ELAVL2: variants seen among roughly 807,000 people sequenced by gnomAD.
ELAVL2 encodes ELAV-like protein 2.
A neutral mutation model predicts 34.6 loss-of-function variants in ELAVL2; 4 were observed. The observed-to-expected ratio is 0.12, with a 90% CI of 0.06 to 0.26. ELAVL2 has a LOEUF of 0.26. ELAVL2 is among the 10% of genes least tolerant of loss of function. ELAVL2 has a pLI of 1.00. For synonymous variants in ELAVL2, 193 were observed against 154.8 expected, an observed-to-expected ratio of 1.25 and a Z score of -1.83; for missense variants, 432 against 442.8, an observed-to-expected ratio of 0.98 and a Z score of 0.22.
At chr9:23,804,730 T>C (rs1347563525) in intron 1 of ELAVL2, among the ~76,000 whole-genome samples, 1 of 152,074 alleles carries the variant, frequency 6.6e-6, no homozygotes, top group Non-Finnish European at 1.5e-5. Flanking sequence ...CCTACATTTT[T>C]AAAAAGGAAA....
chr9:23,720,514 T>C (rs1042801211), intron 3 of ELAVL2, among the ~76,000 whole-genome samples: 12 of 152,054 alleles, frequency 7.9e-5, no homozygotes, highest in Non-Finnish European at 1.3e-4. Flanking sequence ...ATACTGAAAA[T>C]TCTCCAAATA....
chr9:23,700,911 G>A (rs943062169), intron 5 of ELAVL2, among the ~76,000 whole-genome samples: 1 of 151,958 alleles, frequency 6.6e-6, no homozygotes, highest in Non-Finnish European at 1.5e-5. Context: ...TGAAGCCCTG[G>A]AAACAATTCA....
At chr9:23,742,601 A>G (rs1041985878) in intron 2 of ELAVL2, among the ~76,000 whole-genome samples, 1 of 152,334 alleles carries the variant, frequency 6.6e-6, no homozygotes, top group South Asian at 2.1e-4. Context: ...CTATAGACCG[A>G]TATGTACAAC....
intron 5 of ELAVL2, among the ~76,000 whole-genome samples, chr9:23,699,505 A>T (rs2036404430): frequency 6.6e-6 from 1 of 152,226 alleles, no homozygotes; most frequent in African/African-American, 2.4e-5. Context: ...ATTATGAAGA[A>T]CTTTGTTCTA....
rs910797194 is a variant in ELAVL2, at chr9:23,719,919, G to A, written c.333+11103C>T. The stretch of plus-strand genomic sequence containing the variant: ...CAGCTTACTGCAACTTCCGCCTCCC[G>A]GGTTCAAGGGATTCTCCTGCCTCAG... On this transcript the variant is annotated intron_variant, in intron 3 of 6. Transcript: ENST00000397312. 7.4e-5 allele frequency among the ~76,000 whole-genome samples: 11 copies of A among 148,828 alleles called. No individual in the cohort carries two copies. The Middle Eastern group carries it at 0.011, about 148-fold the overall frequency.
At position 23,690,552 on chromosome 9, in the gene ELAVL2, A is replaced by G. The variant is rs1159288281; in HGVS notation, c.*2005T>C. 6.6e-6 allele frequency: 1 copy of G among 152,596 alleles called. No individual in the cohort carries two copies. Among genetic ancestry groups the G allele is most frequent in the Non-Finnish European group, 1.5e-5 (1 of 68,004 alleles). The allele number at this position is 152,596 out of a possible 1,614,324, so 9.5% of individuals were successfully genotyped here. ...ATTTCTGAATAGCATTGAGTGGGTCAGCATGAAAACTCGCTTATTCACTTT... is the reference window on the plus strand; with the variant it reads ...ATTTCTGAATAGCATTGAGTGGGTCGGCATGAAAACTCGCTTATTCACTTT... On this transcript the variant is annotated 3_prime_UTR_variant, in exon 7 of 7. Coordinates refer to ENST00000397312, the MANE Select transcript of ELAVL2 (RefSeq NM_004432.5).
intron 1 of ELAVL2, among the ~76,000 whole-genome samples, chr9:23,802,644 C>G (rs1260673796): frequency 6.6e-6 from 1 of 152,154 alleles, no homozygotes; most frequent in Non-Finnish European, 1.5e-5. Context: ...ACCTAAGAGT[C>G]CTCTGAGACT....
chr9:23,754,440 ATTAAGT>A (rs1432530826), intron 2 of ELAVL2, among the ~76,000 whole-genome samples: 1 of 151,812 alleles, frequency 6.6e-6, no homozygotes, highest in Non-Finnish European at 1.5e-5. Context: ...CCACTTTGGC[ATTAAGT>A]TTTTTTTTTT....
At chr9:23,805,175 A>G (rs771892041) in intron 1 of ELAVL2, among the ~76,000 whole-genome samples, 6 of 152,182 alleles carry the variant, frequency 3.9e-5, no homozygotes, top group African/African-American at 1.2e-4. Flanking sequence ...TAAACAAAAG[A>G]AAGACGTTAA....
rs750569989 is a variant in ELAVL2, at chr9:23,692,519, T to C, written c.*38A>G. ...TTTCTCTTAACTTGCCTTTGTTGTATAGTTTTCATATATAAATGGACTGAG... is the reference window on the plus strand; with the variant it reads ...TTTCTCTTAACTTGCCTTTGTTGTACAGTTTTCATATATAAATGGACTGAG... On this transcript the variant is annotated 3_prime_UTR_variant, in exon 7 of 7. Transcript: ENST00000397312. 10 of 1,568,384 alleles carry C rather than the reference T, an allele frequency of 6.4e-6. No individual in the cohort carries two copies. Among genetic ancestry groups the C allele is most frequent in the African/African-American group, 1.4e-5 (1 of 73,164 alleles).
At chr9:23,694,252 T>C (rs1490342193) in intron 5 of ELAVL2, among the ~76,000 whole-genome samples, 1 of 151,762 alleles carries the variant, frequency 6.6e-6, no homozygotes, top group Non-Finnish European at 1.5e-5. Context: ...AACAAGCCAA[T>C]CTGAGCCTCA....
At chr9:23,727,197 G>T (rs779911579) in intron 3 of ELAVL2, among the ~76,000 whole-genome samples, 3 of 152,046 alleles carry the variant, frequency 2.0e-5, no homozygotes, top group Admixed American at 6.6e-5. Flanking sequence ...CACCAGCAAG[G>T]TATGCCTCTG....
At chr9:23,786,286 G>T (rs2059669640) in intron 1 of ELAVL2, among the ~76,000 whole-genome samples, 1 of 152,132 alleles carries the variant, frequency 6.6e-6, no homozygotes, top group Admixed American at 6.5e-5. Flanking sequence ...TCAAAATGAT[G>T]TAAGCAACAA....
intron 2 of ELAVL2, among the ~76,000 whole-genome samples, chr9:23,750,462 G>T (rs1391868365): frequency 6.6e-6 from 1 of 152,072 alleles, no homozygotes. Context: ...AACAAACCTG[G>T]TATAACATTG....
intron 3 of ELAVL2, among the ~76,000 whole-genome samples, chr9:23,722,049 G>C (rs1212945594): frequency 1.3e-5 from 2 of 152,134 alleles, no homozygotes; most frequent in Admixed American, 1.3e-4. Flanking sequence ...AAAGCAGCAT[G>C]TCAAGACACT....
chr9:23,826,836 A>G (rs555782248), upstream of ELAVL2, among the ~76,000 whole-genome samples: 22 of 152,012 alleles, frequency 1.4e-4, no homozygotes, highest in Admixed American at 6.5e-5. Context: ...CCTTTTTTCG[A>G]TTTGTGTTCA....
At chr9:23,808,696 A>T (rs948625322) in intron 1 of ELAVL2, among the ~76,000 whole-genome samples, 37 of 152,222 alleles carry the variant, frequency 2.4e-4, no homozygotes, top group African/African-American at 8.7e-4. Context: ...TTCATAGGCT[A>T]TTTAATAAAC....
At chr9:23,813,843 G>A (rs890983175) in intron 1 of ELAVL2, among the ~76,000 whole-genome samples, 2 of 152,020 alleles carry the variant, frequency 1.3e-5, no homozygotes, top group African/African-American at 2.4e-5. Context: ...GAGATCAAAC[G>A]AATATAAAAC....
At chr9:23,714,110 T>C (rs926168013) in intron 3 of ELAVL2, among the ~76,000 whole-genome samples, 4 of 152,220 alleles carry the variant, frequency 2.6e-5, no homozygotes, top group African/African-American at 7.2e-5. Context: ...CAGATAATGA[T>C]AGCTCCTAAC....
Sources: allele counts gnomAD v4.1 joint callset (sites outside exome capture counted in the v4.1 genomes callset), GRCh38; gene constraint gnomAD v4.1.1; transcripts MANE v1.5; gene names NCBI Gene and HGNC (gene_info 2026-07-23, HGNC 2026-07-21).